SYT14: variants seen among roughly 807,000 people sequenced by gnomAD.
SYT14 encodes synaptotagmin-14.
A neutral mutation model predicts 74.2 loss-of-function variants in SYT14; 32 were observed. The ratio of observed to expected loss-of-function variants is 0.43; its 90% CI spans 0.33 to 0.58. The LOEUF (loss-of-function observed/expected upper bound fraction) is 0.58, where lower values mean the gene tolerates loss of function less well. SYT14 is among the 20% of genes least tolerant of loss of function. The pLI, the probability that SYT14 is intolerant of heterozygous loss-of-function variation, is 0.05. For synonymous variants in SYT14, 298 were observed against 337.7 expected, an observed-to-expected ratio of 0.88 and a Z score of 1.29; for missense variants, 791 against 981.8, an observed-to-expected ratio of 0.81 and a Z score of 2.60.
chr1:210,041,974 G>T (rs1003859627), intron 5 of SYT14, among the ~76,000 whole-genome samples: 4 of 152,094 alleles, frequency 2.6e-5, no homozygotes, highest in Non-Finnish European at 5.9e-5. Context: ...AGCATGACTG[G>T]GATCACTGAG....
intron 7 of SYT14, among the ~76,000 whole-genome samples, chr1:210,145,260 A>G (rs539351767): frequency 4.6e-5 from 7 of 152,318 alleles, no homozygotes; most frequent in Admixed American, 6.5e-5. Context: ...AGACTTATCT[A>G]TCACTAGCAC....
intron 2 of SYT14, among the ~76,000 whole-genome samples, chr1:209,988,080 C>A (rs1432398433): frequency 6.6e-6 from 1 of 152,098 alleles, no homozygotes; most frequent in Non-Finnish European, 1.5e-5. Flanking sequence ...GTGGGGACTT[C>A]AATTACACAT....
chr1:210,058,492 A>G (rs1248973458), intron 5 of SYT14, among the ~76,000 whole-genome samples: 1 of 152,246 alleles, frequency 6.6e-6, no homozygotes, highest in Non-Finnish European at 1.5e-5. Context: ...TCAGGCAACC[A>G]GCAAACCAGG....
At chr1:209,950,958 A>C (rs1234715361) in intron 1 of SYT14, among the ~76,000 whole-genome samples, 1 of 152,210 alleles carries the variant, frequency 6.6e-6, no homozygotes, top group African/African-American at 2.4e-5. Flanking sequence ...AGTGAAAGAA[A>C]TATGTCTACA....
chr1:210,025,699 A>G (rs2080397154), intron 5 of SYT14, among the ~76,000 whole-genome samples: 1 of 152,240 alleles, frequency 6.6e-6, no homozygotes, highest in South Asian at 2.1e-4. Context: ...GGTAGCGAGT[A>G]CTGCCATTTA....
chr1:210,052,005 CATATGT>C (rs2081005737), intron 5 of SYT14, among the ~76,000 whole-genome samples: 1 of 152,076 alleles, frequency 6.6e-6, no homozygotes, highest in East Asian at 1.9e-4. Context: ...CCCTTTTTTG[CATATGT>C]ATAGTCAAAT....
intron 5 of SYT14, among the ~76,000 whole-genome samples, chr1:210,034,674 C>T (rs2080617351): frequency 6.6e-6 from 1 of 151,720 alleles, no homozygotes; most frequent in African/African-American, 2.4e-5. Flanking sequence ...TATTATTACA[C>T]TCTCTGTGTG....
intron 1 of SYT14, among the ~76,000 whole-genome samples, chr1:209,941,772 A>G (rs780625729): frequency 3.9e-5 from 6 of 152,214 alleles, no homozygotes; most frequent in Non-Finnish European, 8.8e-5. Context: ...GGTTTTGTAT[A>G]GTACCTGAAT....
At chr1:210,062,120 C>G (rs1367881713) in intron 5 of SYT14, among the ~76,000 whole-genome samples, 1 of 151,708 alleles carries the variant, frequency 6.6e-6, no homozygotes, top group African/African-American at 2.4e-5. Flanking sequence ...GACTTCCAAG[C>G]CTGAGGATAT....
At chr1:210,047,614 G>A (rs2102365564) in intron 5 of SYT14, among the ~76,000 whole-genome samples, 1 of 152,232 alleles carries the variant, frequency 6.6e-6, no homozygotes, top group South Asian at 2.1e-4. Context: ...GGCCAGGCTG[G>A]TCTCAAACTC....
intron 7 of SYT14, among the ~76,000 whole-genome samples, chr1:210,131,348 A>T (rs1187656935): frequency 1.3e-5 from 2 of 151,986 alleles, no homozygotes; most frequent in East Asian, 1.9e-4. Context: ...ATTTTAAAAA[A>T]TTTTCTCCCT....
chr1:210,081,083 C>T (rs1415211744), intron 5 of SYT14, among the ~76,000 whole-genome samples: 8 of 152,076 alleles, frequency 5.3e-5, no homozygotes, highest in South Asian at 2.1e-4. Context: ...TGCCAGTGTA[C>T]GGCTGTGACT....
rs2102643406 is a variant in SYT14, at chr1:210,132,416, T to C, written c.2035-23305T>C. On this transcript the variant is annotated intron_variant, in intron 7 of 9. Coordinates refer to ENST00000637265, the Ensembl canonical transcript of SYT14. ...ATTTTTTTTAACTTTTATTTTAAGCTCAGGGGTACATGTGCAGGTTTGTTG... is the reference window on the plus strand; with the variant it reads ...ATTTTTTTTAACTTTTATTTTAAGCCCAGGGGTACATGTGCAGGTTTGTTG... Among the ~76,000 whole-genome samples, 2 of 152,184 alleles carry C rather than the reference T, an allele frequency of 1.3e-5. 1 individual carries two copies. Among genetic ancestry groups the C allele is most frequent in the South Asian group, 4.2e-4 (2 of 4,818 alleles).
chr1:210,086,984 A>G (rs1168589732), intron 5 of SYT14, among the ~76,000 whole-genome samples: 1 of 152,186 alleles, frequency 6.6e-6, no homozygotes, highest in East Asian at 1.9e-4. Context: ...CTCCCTGCAC[A>G]CATGCCCCCT....
At chr1:210,098,305 C>T (rs1387841280) in intron 6 of SYT14, among the ~76,000 whole-genome samples, 1 of 152,084 alleles carries the variant, frequency 6.6e-6, no homozygotes, top group African/African-American at 2.4e-5. Context: ...GCTGCTACAA[C>T]AAAAAGACCC....
rs1363004121 is a variant in SYT14 at position 209,965,880 on chromosome 1, T to TA, written c.-486+13124_-486+13125insA. On this transcript the variant is annotated intron_variant, in intron 2 of 9. Transcript: ENST00000637265. ...TTATCGGTTTATTTTTGAACTTCTT[T>TA]TTTTTTTTTTAGATAGGGTATTTCT... 1.1e-5 allele frequency: 5 copies of TA among 447,656 alleles called. No individual in the cohort carries two copies. The East Asian group carries it at 3.5e-4, about 32-fold the overall frequency. The allele number at this position is 447,656 out of a possible 1,614,324, so 27.7% of individuals were successfully genotyped here.
intron 5 of SYT14, among the ~76,000 whole-genome samples, chr1:210,090,175 G>A (rs1208612496): frequency 6.6e-6 from 1 of 152,094 alleles, no homozygotes; most frequent in Non-Finnish European, 1.5e-5. Context: ...TTGTTACTTG[G>A]GTGTGGAGAG....
chr1:210,069,809 T>G (rs950374679), intron 5 of SYT14, among the ~76,000 whole-genome samples: 6 of 151,980 alleles, frequency 3.9e-5, no homozygotes, highest in Admixed American at 2.0e-4. Flanking sequence ...TTTTTCTCTC[T>G]GTTATACCTT....
At chr1:210,075,448 C>T (rs1253694260) in intron 5 of SYT14, among the ~76,000 whole-genome samples, 1 of 151,222 alleles carries the variant, frequency 6.6e-6, no homozygotes, top group African/African-American at 2.4e-5. Context: ...GATTCTCCTG[C>T]CTCAGCCTCC....
Sources: allele counts gnomAD v4.1 joint callset (sites outside exome capture counted in the v4.1 genomes callset), GRCh38; gene constraint gnomAD v4.1.1; transcripts MANE v1.5; gene names NCBI Gene and HGNC (gene_info 2026-07-23, HGNC 2026-07-21).